The following TNRC6C variants were observed in gnomAD, a reference collection of about 807,000 sequenced individuals.
TNRC6C encodes the protein trinucleotide repeat containing adaptor 6C.
TNRC6C carries 20 observed loss-of-function variants against 153.7 expected under a neutral mutation model. That is an observed-to-expected ratio of 0.13 (90% CI 0.09 to 0.19). TNRC6C has a LOEUF of 0.19. Among genes scored for constraint, TNRC6C ranks in the 10% least tolerant of loss-of-function variants. The pLI is 1.00. For synonymous variants in TNRC6C, 811 were observed against 841.4 expected, an observed-to-expected ratio of 0.96 and a Z score of 0.63; for missense variants, 1,987 against 2,172.0, an observed-to-expected ratio of 0.91 and a Z score of 1.69.
exon 14 of TNRC6C, chr17:78,091,475 G>A: frequency 6.2e-7 from 1 of 1,607,100 alleles, no homozygotes; most frequent in Non-Finnish European, 8.5e-7. Flanking sequence ...CAACAGCATG[G>A]ACATGACCGG....
intron 1 of TNRC6C, among the ~76,000 whole-genome samples, chr17:78,018,376 G>A (rs544889228): frequency 6.9e-4 from 105 of 152,164 alleles, no homozygotes; most frequent in Non-Finnish European, 1.2e-3. Context: ...GATCCGCCCC[G>A]CCTCGGCCTC....
At chr17:78,056,687 G>A (rs1406453906) in intron 3 of TNRC6C, among the ~76,000 whole-genome samples, 2 of 151,422 alleles carry the variant, frequency 1.3e-5, no homozygotes, top group East Asian at 1.9e-4. Flanking sequence ...GGATGGTCTC[G>A]GTCTCCTGAC....
At chr17:78,080,964 A>G (rs999866580) in intron 10 of TNRC6C, among the ~76,000 whole-genome samples, 2 of 152,332 alleles carry the variant, frequency 1.3e-5, no homozygotes, top group African/African-American at 2.4e-5. Flanking sequence ...ATGGTGTCTT[A>G]GTCCATTTGG....
intron 3 of TNRC6C, among the ~76,000 whole-genome samples, chr17:78,060,058 G>A (rs2072736688): frequency 6.6e-6 from 1 of 152,116 alleles, no homozygotes; most frequent in African/African-American, 2.4e-5. Flanking sequence ...AAGGCCCGTG[G>A]TCAGTTTCTA....
chr17:78,085,008 G>A (rs1436177312), intron 11 of TNRC6C, among the ~76,000 whole-genome samples: 2 of 152,176 alleles, frequency 1.3e-5, no homozygotes, highest in Non-Finnish European at 2.9e-5. Context: ...GTGCACATGT[G>A]CAGTCCTATT....
At chr17:78,007,495 C>T (rs556915224) in intron 1 of TNRC6C, among the ~76,000 whole-genome samples, 92 of 152,332 alleles carry the variant, frequency 6.0e-4, no homozygotes, top group Admixed American at 5.1e-3. Context: ...GTTGGCCTGA[C>T]TGTACCTATG....
At chr17:78,054,802 C>T (rs1567941222) in intron 3 of TNRC6C, among the ~76,000 whole-genome samples, 1 of 152,116 alleles carries the variant, frequency 6.6e-6, no homozygotes, top group Non-Finnish European at 1.5e-5. Context: ...CTGTACACTA[C>T]TATACACCAC....
intron 2 of TNRC6C, among the ~76,000 whole-genome samples, chr17:78,042,172 C>T (rs1470479745): frequency 3.9e-5 from 6 of 152,068 alleles, no homozygotes; most frequent in Non-Finnish European, 7.4e-5. Context: ...TTTATAGACA[C>T]CTATTTATAG....
chr17:78,019,125 A>C (rs1216494359), intron 1 of TNRC6C, among the ~76,000 whole-genome samples: 2 of 152,198 alleles, frequency 1.3e-5, no homozygotes, highest in Admixed American at 1.3e-4. Flanking sequence ...ACAGATGACG[A>C]TATTGAAGTG....
chr17:78,104,338 C>A lies in TNRC6C; in HGVS notation c.4713-147C>A. 8.9e-7 allele frequency: 1 copy of A among 1,122,616 alleles called. No individual in the cohort carries two copies. The highest frequency in any genetic ancestry group is 1.2e-6 in the Non-Finnish European group (1 of 836,248). 69.5% of individuals were successfully genotyped at this position (1,122,616 alleles called of 1,614,324 possible). ...AAGTCTGAACTGAGCAAAACATTCA[C>A]AGTCTGGGTTTGGAAATAGCAGTGG... On this transcript the variant is annotated intron_variant, in intron 19 of 19. Coordinates refer to ENST00000301624, the Ensembl canonical transcript of TNRC6C. The surrounding 1 kb of genome is among the most constrained non-coding windows in gnomAD (Gnocchi z 6.2).
At chr17:78,102,663 A>G (rs2073618987) in intron 18 of TNRC6C, 119 bp downstream of exon 21, 1 of 1,028,210 alleles carries the variant, frequency 9.7e-7, no homozygotes, top group Non-Finnish European at 1.4e-6. Context: ...GTCAGGGTCC[A>G]TAAGTGACGC....
intron 13 of TNRC6C, among the ~76,000 whole-genome samples, chr17:78,088,356 G>A (rs1364130221): frequency 6.6e-6 from 1 of 151,454 alleles, no homozygotes; most frequent in Non-Finnish European, 1.5e-5. Context: ...TACTAACTTG[G>A]GCAACTTGCC....
upstream of TNRC6C, among the ~76,000 whole-genome samples, chr17:77,999,317 T>G (rs1180590036): frequency 1.3e-5 from 2 of 152,206 alleles, no homozygotes; most frequent in East Asian, 3.8e-4. Flanking sequence ...AGCATGGCTG[T>G]GATTGGGGCC....
intron 1 of TNRC6C, among the ~76,000 whole-genome samples, chr17:77,977,097 G>C (rs1370744091): frequency 1.3e-5 from 2 of 151,672 alleles, no homozygotes; most frequent in African/African-American, 4.8e-5. Context: ...ATGGTACTTA[G>C]ACTTTCTAAC....
exon 15 of TNRC6C, chr17:78,092,941 C>T: frequency 1.2e-6 from 2 of 1,613,708 alleles, no homozygotes; most frequent in South Asian, 1.1e-5. Context: ...AGGTGCTATC[C>T]CTGGAGGTCT....
intron 1 of TNRC6C, among the ~76,000 whole-genome samples, chr17:77,984,023 G>A (rs150928086): frequency 6.6e-5 from 10 of 152,204 alleles, no homozygotes; most frequent in Admixed American, 3.3e-4. Flanking sequence ...GGGTGTGTAT[G>A]GAAGCCAAGT....
chr17:78,015,536 G>A (rs1195948265), intron 1 of TNRC6C, among the ~76,000 whole-genome samples: 1 of 152,218 alleles, frequency 6.6e-6, no homozygotes, highest in African/African-American at 2.4e-5. Context: ...CCTTTTAACA[G>A]TAAATGCCAT....
At chr17:78,097,609 A>C (rs902086939) in intron 16 of TNRC6C, 136 bp from the exon 19 acceptor site, 13 of 581,592 alleles carry the variant, frequency 2.2e-5, no homozygotes, top group Non-Finnish European at 3.8e-5. Context: ...CCCACATGTC[A>C]CTTTCATGTT....
chr17:77,976,957 A>G (rs534440816), intron 1 of TNRC6C, among the ~76,000 whole-genome samples: 1 of 148,980 alleles, frequency 6.7e-6, no homozygotes, highest in Non-Finnish European at 1.5e-5. Flanking sequence ...AAAAAAAAAA[A>G]AAACTTGGTT....
Sources: allele counts gnomAD v4.1 joint callset (sites outside exome capture counted in the v4.1 genomes callset), GRCh38; gene constraint gnomAD v4.1.1; non-coding constraint Gnocchi (gnomAD v3.1); transcripts MANE v1.5; gene names NCBI Gene and HGNC (gene_info 2026-07-23, HGNC 2026-07-21).